Variants in MLLT10 observed in about 807,000 individuals in gnomAD.
The protein encoded by MLLT10 is MLLT10 histone lysine methyltransferase DOT1L cofactor.
A neutral mutation model predicts 129.1 loss-of-function variants in MLLT10; 30 were observed. The observed-to-expected ratio is 0.23, with a 90% confidence interval of 0.17 to 0.32. MLLT10 has a LOEUF of 0.32. Among genes scored for constraint, MLLT10 ranks in the 10% least tolerant of loss-of-function variants. MLLT10 has a pLI of 1.00. For missense variants in MLLT10, 1,119 were observed against 1,268.3 expected, an observed-to-expected ratio of 0.88 and a Z score of 1.79; for synonymous variants, 490 against 446.4, an observed-to-expected ratio of 1.10 and a Z score of -1.23.
In MLLT10 at chr10:21,742,635, A is replaced by C. The variant is rs962088531; in HGVS notation, c.*652A>C. 4.5e-6 allele frequency: 1 copy of C among 222,172 alleles called. No homozygotes were observed. The highest frequency in any genetic ancestry group is 2.2e-5 in the African/African-American group (1 of 44,794). The allele number at this position is 222,172 out of a possible 1,614,324, so 13.8% of individuals were successfully genotyped here. A position where few individuals can be genotyped will look rare whatever the true frequency, so the allele number is the denominator to read the frequency against. ...TTTTCTTTTGAGAATTGCTTTCTTT[A>C]GTGTTAAGACCTACTCATATTTTGA... is the stretch of plus-strand genomic sequence containing the variant. On this transcript the variant is annotated 3_prime_UTR_variant, in exon 23 of 23. Transcript: ENST00000307729.
At position 21,538,796 on chromosome 10, in the gene MLLT10, G is replaced by C. The variant is rs536845497; in HGVS notation, c.161-37G>C. 8 of 1,497,280 alleles carry C rather than the reference G, an allele frequency of 5.3e-6. No homozygotes were observed. The African/African-American group carries it at 9.7e-5, about 18-fold the overall frequency. The allele number at this position is 1,497,280 out of a possible 1,614,324, so 92.7% of individuals were successfully genotyped here. A position where few individuals can be genotyped will look rare whatever the true frequency, so the allele number is the denominator to read the frequency against. The stretch of plus-strand genomic sequence containing the variant: ...GTATTTGATTTTTCCATAGTTCTTC[G>C]AATCTTAACATTTTAACACATTTCA... On this transcript the variant is annotated intron_variant, in intron 2 of 22. Coordinates refer to ENST00000307729, the MANE Select transcript of MLLT10 (RefSeq NM_001195626.3).
intron 5 of MLLT10, among the ~76,000 whole-genome samples, chr10:21,609,844 G>A (rs1013404898): frequency 2.6e-5 from 4 of 151,242 alleles, no homozygotes; most frequent in East Asian, 1.9e-4. Context: ...AATCATAATT[G>A]TGTATGTTTG....
chr10:21,544,114 A>T (rs1451754434), intron 3 of MLLT10, among the ~76,000 whole-genome samples: 1 of 152,108 alleles, frequency 6.6e-6, no homozygotes, highest in Non-Finnish European at 1.5e-5. Flanking sequence ...TATTATTCTT[A>T]CTTTATGGGT....
rs369508784 is a variant in MLLT10 at position 21,541,484 on chromosome 10, C to T, written c.240+2572C>T. ...CACTGCAACCTCTGCCTCCTGGATT[C>T]AAACGATTCTCCTGCCTCAGTCTCC... is the stretch of plus-strand genomic sequence containing the variant. On this transcript the variant is annotated intron_variant, in intron 3 of 22. Coordinates refer to ENST00000307729, the MANE Select transcript of MLLT10 (RefSeq NM_001195626.3). The T allele has an allele frequency of 5.3e-5, 8 of 152,360 alleles. No homozygotes were observed. The East Asian group carries it at 5.8e-4, about 11-fold the overall frequency. 9.4% of individuals were successfully genotyped at this position (152,360 alleles called of 1,614,324 possible).
intron 6 of MLLT10, among the ~76,000 whole-genome samples, chr10:21,614,108 T>G (rs2044975017): frequency 1.3e-5 from 2 of 150,718 alleles, no homozygotes; most frequent in Admixed American, 1.3e-4. Flanking sequence ...GTCCCAGCTA[T>G]TTGGGAGGCT....
At chr10:21,717,135 C>A (rs2056626206) in intron 14 of MLLT10, among the ~76,000 whole-genome samples, 1 of 148,844 alleles carries the variant, frequency 6.7e-6, no homozygotes, top group African/African-American at 2.5e-5. Context: ...TGCCTGTAAT[C>A]CCAGCTACTC....
chr10:21,648,489 A>G (rs2048725561), intron 8 of MLLT10, among the ~76,000 whole-genome samples: 1 of 152,174 alleles, frequency 6.6e-6, no homozygotes, highest in South Asian at 2.1e-4. Flanking sequence ...AGGATCATTC[A>G]CCATTAAATT....
chr10:21,647,657 G>T (rs991993745), intron 8 of MLLT10, among the ~76,000 whole-genome samples: 1 of 151,706 alleles, frequency 6.6e-6, no homozygotes, highest in Admixed American at 6.6e-5. Flanking sequence ...TTAATACTTG[G>T]GTTGCATGTT....
At chr10:21,560,098 C>T (rs1251689729) in intron 3 of MLLT10, among the ~76,000 whole-genome samples, 6 of 152,112 alleles carry the variant, frequency 3.9e-5, no homozygotes, top group Non-Finnish European at 5.9e-5. Flanking sequence ...CTCCGCCTTC[C>T]GGGTTCAAGT....
At chr10:21,644,514 TC>T (rs2048305747) in intron 8 of MLLT10, among the ~76,000 whole-genome samples, 1 of 152,178 alleles carries the variant, frequency 6.6e-6, no homozygotes. Context: ...TTGGTAGAAC[TC>T]CAGGCTGGGC....
intron 6 of MLLT10, among the ~76,000 whole-genome samples, chr10:21,613,567 T>C (rs1450752484): frequency 6.6e-6 from 1 of 152,204 alleles, no homozygotes; most frequent in Non-Finnish European, 1.5e-5. Flanking sequence ...AAAGGTCAAA[T>C]TGAAAAGATG....
intron 3 of MLLT10, among the ~76,000 whole-genome samples, chr10:21,542,608 G>A (rs2035375837): frequency 6.6e-6 from 1 of 152,178 alleles, no homozygotes; most frequent in African/African-American, 2.4e-5. Flanking sequence ...GGGAGCAGTG[G>A]CTTGCGCCTA....
rs1174912520 is a variant in MLLT10, at chr10:21,740,139, A to G, written c.3065A>G (p.Asn1022Ser). 15 of 1,614,038 alleles carry G rather than the reference A, an allele frequency of 9.3e-6. No individual in the cohort carries two copies. Among genetic ancestry groups the G allele is most frequent in the Non-Finnish European group, 1.3e-5 (15 of 1,180,042 alleles). The change falls in exon 22 of 23, where the codon AAC (asparagine) becomes AGC (serine). Residue 1022 changes from asparagine to serine, a missense_variant. This residue lies in a region of MLLT10 where 1,004 missense variants were observed against 1,008.7 expected (regional missense o/e 1.00). Coordinates refer to ENST00000307729, the MANE Select transcript of MLLT10 (RefSeq NM_001195626.3). ...QIPGPTQIPI[N>S]NLLAGTQAPP... ...CCTGGACCAACACAAATACCCATAA[A>G]CAACCTTCTTGCAGGTACACAGGCA...
At position 21,740,047 on chromosome 10, in the gene MLLT10, T is replaced by G. The variant is rs532945428; in HGVS notation, c.2973T>G (p.Phe991Leu). The G allele has an allele frequency of 1.5e-4, 234 of 1,609,654 alleles. 1 individual carries two copies. Among genetic ancestry groups the G allele is most frequent in the Non-Finnish European group, 1.9e-4 (223 of 1,177,740 alleles). ...TGCCTAAGGAACAACATCAAGCCTT[T>G]TTGTATCAGTTAATGCAACATCACC... Reference protein sequence around the residue: ...QQLTPEQHQAFLYQLMQHHHQ... With the variant: ...QQLTPEQHQALLYQLMQHHHQ... The change falls in exon 22 of 23, where the codon TTT becomes TTG. Residue 991 changes from phenylalanine (F) to leucine (L), a missense_variant. Physicochemically the swap from Phe to Leu is conservative, Grantham distance 22. Around this residue, in one of 5 missense-constraint regions of MLLT10, gnomAD observed 1,004 missense variants for 1,008.7 expected, o/e 1.00. Coordinates refer to ENST00000307729, the MANE Select transcript of MLLT10 (RefSeq NM_001195626.3).
At chr10:21,708,168 A>AAAGG (rs1002775676) in intron 13 of MLLT10, among the ~76,000 whole-genome samples, 6 of 152,032 alleles carry the variant, frequency 3.9e-5, no homozygotes, top group Admixed American at 2.6e-4. Context: ...TTGTTTGATG[A>AAAGG]AAGGAAGGAA....
chr10:21,637,636 T>TA (rs2047583474), intron 8 of MLLT10, among the ~76,000 whole-genome samples: 1 of 152,190 alleles, frequency 6.6e-6, no homozygotes, highest in South Asian at 2.1e-4. Context: ...AGTCCTGACA[T>TA]ACCTATTTGT....
chr10:21,663,868 G>C (rs1443013805), intron 9 of MLLT10, among the ~76,000 whole-genome samples: 4 of 152,040 alleles, frequency 2.6e-5, no homozygotes, highest in African/African-American at 9.7e-5. Flanking sequence ...TTTTTGTTTA[G>C]CAGTTTGCCC....
At chr10:21,569,507 A>G (rs1325987479) in intron 3 of MLLT10, among the ~76,000 whole-genome samples, 5 of 147,026 alleles carry the variant, frequency 3.4e-5, no homozygotes, top group Non-Finnish European at 6.0e-5. Context: ...TGCAAACTCC[A>G]CCTCCTGGGT....
At chr10:21,657,794 C>T (rs1046594935) in intron 9 of MLLT10, among the ~76,000 whole-genome samples, 1 of 152,070 alleles carries the variant, frequency 6.6e-6, no homozygotes, top group Non-Finnish European at 1.5e-5. Flanking sequence ...TAAGTAAATC[C>T]TTTCAATTAG....
Sources: gnomAD v4.1 joint callset for allele counts (sites outside exome capture counted in the v4.1 genomes callset) on GRCh38, gnomAD v4.1.1 for gene constraint, gnomAD v4.1.1 regional missense constraint, MANE v1.5 for transcripts, NCBI Gene and HGNC (gene_info 2026-07-23, HGNC 2026-07-21) for gene names.